The following SMARCAL1 variants were observed in gnomAD, a reference collection of about 807,000 sequenced individuals.
The protein encoded by SMARCAL1 is ATP-driven annealing helicase.
In SMARCAL1, 58 loss-of-function variants were observed where a neutral mutation model predicts 94.5. That is an observed-to-expected ratio of 0.61 (90% confidence interval 0.50 to 0.76). SMARCAL1 has a LOEUF of 0.76. Ranked by LOEUF, SMARCAL1 falls within the 30% of genes least tolerant of loss-of-function variation. The pLI is 0.00. For synonymous variants in SMARCAL1, 422 were observed against 455.1 expected (o/e 0.93, Z 0.93); for missense variants, 1,051 against 1,177.9 (o/e 0.89, Z 1.58).
chr2:216,480,216 AATTT>A (rs1348698202), intron 17 of SMARCAL1, among the ~76,000 whole-genome samples: 3 of 152,196 alleles, frequency 2.0e-5, no homozygotes, highest in African/African-American at 7.2e-5. Flanking sequence ...TAACTATATC[AATTT>A]ATTTTTTAAT....
chr2:216,413,053 G>C (rs1693500982), intron 1 of SMARCAL1: 1 of 150,690 alleles, frequency 6.6e-6, no homozygotes, highest in South Asian at 2.1e-4. Flanking sequence ...CTTCTGCTGT[G>C]CACCTCCAAA....
At position 216,452,060 on chromosome 2, in the gene SMARCAL1, C is replaced by T. The variant is rs533025837; in HGVS notation, c.2070+996C>T. ...AAGAAATGACAGGATAGAGGATGCA[C>T]TGGCAAATTTTCAAGCTGTATTGAA... is the stretch of plus-strand genomic sequence containing the variant. On this transcript the variant is annotated intron_variant, in intron 12 of 17. Transcript: ENST00000357276. Among the ~76,000 whole-genome samples, 11 of 152,306 alleles carry T rather than the reference C, an allele frequency of 7.2e-5. No homozygotes were observed. The East Asian group carries it at 1.9e-3, about 27-fold the overall frequency.
rs372922123 is a variant in SMARCAL1 at position 216,420,513 on chromosome 2, G to A, written c.1077G>A (p.Gln359=). 6.2e-7 allele frequency: 1 copy of A among 1,613,836 alleles called. No homozygotes were observed. The highest frequency in any genetic ancestry group is 8.5e-7 in the Non-Finnish European group (1 of 1,179,690). ...YSQDLIALFK[Q]MDSRRYDVKT... ...AGGACCTTATTGCGCTTTTTAAACA[G>A]ATGGATTCCAGAAGATATGGCAAGT... is the stretch of plus-strand genomic sequence containing the variant. The change falls in exon 5 of 18, where the codon CAG becomes CAA. Residue 359 remains glutamine, a synonymous_variant. Transcript: ENST00000357276.
Position 216,481,351 on chromosome 2 carries a change from C to A in SMARCAL1, c.2626-1387C>A, listed in dbSNP as rs926128118. Among the ~76,000 whole-genome samples the A allele has an allele frequency of 2.6e-5, 4 of 151,746 alleles. No homozygotes were observed. The South Asian group carries it at 8.3e-4, about 32-fold the overall frequency. On this transcript the variant is annotated intron_variant, in intron 17 of 17. Coordinates refer to ENST00000357276, the MANE Select transcript of SMARCAL1 (RefSeq NM_014140.4). ...TGGAACTACAGGCGCATGCTGCCAACACCCGGCCAATTTTCTGTATTTTTG... is the reference window on the plus strand; with the variant it reads ...TGGAACTACAGGCGCATGCTGCCAAAACCCGGCCAATTTTCTGTATTTTTG...
chr2:216,464,891 A>C (rs1404570418), intron 13 of SMARCAL1, among the ~76,000 whole-genome samples: 2 of 152,190 alleles, frequency 1.3e-5, no homozygotes, highest in Non-Finnish European at 2.9e-5. Context: ...AATGCCTGTA[A>C]TCCCAGCACT....
intron 17 of SMARCAL1, 78 bp downstream of exon 17, chr2:216,478,377 TAGG>T: frequency 9.0e-7 from 1 of 1,109,390 alleles, no homozygotes. Flanking sequence ...GGGTCCTGAG[TAGG>T]AGGATGTGAA....
At chr2:216,436,606 G>A (rs1182670865) in intron 9 of SMARCAL1, among the ~76,000 whole-genome samples, 1 of 152,222 alleles carries the variant, frequency 6.6e-6, no homozygotes, top group Non-Finnish European at 1.5e-5. Context: ...CTTTGGGGGA[G>A]TCATTTTTGG....
intron 10 of SMARCAL1, among the ~76,000 whole-genome samples, chr2:216,439,364 G>A (rs1694149442): frequency 6.6e-6 from 1 of 152,000 alleles, no homozygotes; most frequent in Non-Finnish European, 1.5e-5. Context: ...TTGTAAGAGG[G>A]AAGGAGAAGT....
intron 9 of SMARCAL1, among the ~76,000 whole-genome samples, chr2:216,436,126 G>A (rs530231018): frequency 1.3e-5 from 2 of 152,048 alleles, no homozygotes; most frequent in Non-Finnish European, 2.9e-5. Flanking sequence ...TTGCCACCAC[G>A]CCCAGCTAAG....
At chr2:216,477,075 C>A in intron 15 of SMARCAL1, 34 bp from the exon 16 acceptor site, 1 of 1,532,690 alleles carries the variant, frequency 6.5e-7, no homozygotes, top group Non-Finnish European at 8.8e-7. Context: ...TGCTTCAGGC[C>A]TTTACCTGCC....
intron 6 of SMARCAL1, among the ~76,000 whole-genome samples, chr2:216,426,854 C>T (rs536171663): frequency 5.3e-5 from 8 of 152,140 alleles, no homozygotes; most frequent in African/African-American, 1.7e-4. Context: ...GAAATTAGAT[C>T]GATGACCCTG....
intron 10 of SMARCAL1, 141 bp from the exon 11 acceptor site, chr2:216,446,877 A>G: frequency 1.1e-6 from 1 of 880,696 alleles, no homozygotes. Flanking sequence ...AACTGCTTGC[A>G]TTGGCAATGC....
At chr2:216,416,619 G>A (rs575018069) in intron 4 of SMARCAL1, among the ~76,000 whole-genome samples, 77 of 152,318 alleles carry the variant, frequency 5.1e-4, no homozygotes, top group African/African-American at 1.6e-3. Context: ...GCCCAGGGAC[G>A]ATGAGTCAGT....
At chr2:216,424,276 C>A (rs1006768536) in intron 6 of SMARCAL1, among the ~76,000 whole-genome samples, 4 of 152,182 alleles carry the variant, frequency 2.6e-5, no homozygotes, top group Non-Finnish European at 5.9e-5. Flanking sequence ...CATTTTTCTT[C>A]TCTGTGTTTT....
chr2:216,425,796 T>C (rs867437063), intron 6 of SMARCAL1, among the ~76,000 whole-genome samples: 1 of 152,030 alleles, frequency 6.6e-6, no homozygotes, highest in South Asian at 2.1e-4. Flanking sequence ...TGCTGATTGG[T>C]CCATAGGCAG....
At chr2:216,439,929 G>A (rs1242593441) in intron 10 of SMARCAL1, among the ~76,000 whole-genome samples, 1 of 151,978 alleles carries the variant, frequency 6.6e-6, no homozygotes, top group African/African-American at 2.4e-5. Flanking sequence ...AGGCATGGTG[G>A]TGCACACCAA....
At position 216,414,804 on chromosome 2, in the gene SMARCAL1, C is replaced by T. The variant is rs119473035; in HGVS notation, c.100C>T (p.Gln34Ter). The T allele has an allele frequency of 1.2e-5, 19 of 1,614,220 alleles. No homozygotes were observed. The highest frequency in any genetic ancestry group is 1.6e-5 in the Non-Finnish European group (19 of 1,180,038). ...RAEKLLAEQH[Q>*]RTSSGTSIAG... ...TGAGAAGTTATTGGCAGAACAGCATCAGAGGACTAGCTCGGGCACCTCCAT... is the reference window on the plus strand; with the variant it reads ...TGAGAAGTTATTGGCAGAACAGCATTAGAGGACTAGCTCGGGCACCTCCAT... The change falls in exon 3 of 18, where the codon CAG becomes TAG. Residue 34 changes from glutamine to a stop codon, truncating the protein, a stop_gained. Coordinates refer to ENST00000357276, the MANE Select transcript of SMARCAL1 (RefSeq NM_014140.4). LOFTEE classifies it high-confidence loss of function.
intron 7 of SMARCAL1, among the ~76,000 whole-genome samples, chr2:216,432,311 G>C (rs1693981234): frequency 6.6e-6 from 1 of 152,002 alleles, no homozygotes. Context: ...TCCTTTCAAG[G>C]CAGACTCTGG....
chr2:216,449,336 C>A (rs968485526), intron 11 of SMARCAL1, among the ~76,000 whole-genome samples: 1 of 152,120 alleles, frequency 6.6e-6, no homozygotes, highest in Non-Finnish European at 1.5e-5. Context: ...CACTTGTTCT[C>A]AGCATGGTTT....
Sources: allele counts gnomAD v4.1 joint callset (sites outside exome capture counted in the v4.1 genomes callset), GRCh38; gene constraint gnomAD v4.1.1; transcripts MANE v1.5; gene names NCBI Gene and HGNC (gene_info 2026-07-23, HGNC 2026-07-21).